PHF20: variants seen among roughly 807,000 people sequenced by gnomAD.
The protein encoded by PHF20 is PHD finger protein 20.
PHF20 carries 23 observed loss-of-function variants against 113.5 expected under a neutral mutation model. The ratio of observed to expected loss-of-function variants is 0.20; its 90% CI spans 0.15 to 0.29. PHF20 has a LOEUF of 0.29. PHF20 is among the 10% of genes least tolerant of loss of function. The probability of loss-of-function intolerance (pLI) is 1.00; values close to 1 mark genes in which losing one functional copy is unlikely to be tolerated. For synonymous variants in PHF20, 434 were observed against 457.3 expected (o/e 0.95, Z 0.65); for missense variants, 943 against 1,219.6 (o/e 0.77, Z 3.38).
intron 10 of PHF20, among the ~76,000 whole-genome samples, chr20:35,904,532 C>T (rs984989093): frequency 1.1e-4 from 17 of 151,986 alleles, no homozygotes; most frequent in Admixed American, 1.1e-3. Flanking sequence ...TGGTCCCGAA[C>T]TTGGGTTCTC....
chr20:35,904,440 A>G (rs2055161192), intron 10 of PHF20, among the ~76,000 whole-genome samples: 1 of 151,494 alleles, frequency 6.6e-6, no homozygotes, highest in African/African-American at 2.4e-5. Context: ...ATTCACCACC[A>G]CACCCAGCTA....
intron 2 of PHF20, among the ~76,000 whole-genome samples, chr20:35,813,926 C>T (rs1382179785): frequency 4.4e-5 from 5 of 112,674 alleles, no homozygotes; most frequent in East Asian, 5.0e-4. Context: ...AGTGAGACTC[C>T]GTCTCAGAAA....
intron 10 of PHF20, among the ~76,000 whole-genome samples, chr20:35,904,972 T>C (rs2055177378): frequency 6.6e-6 from 1 of 151,966 alleles, no homozygotes; most frequent in Admixed American, 6.6e-5. Flanking sequence ...ATTACAGGCG[T>C]GCACCACCAT....
chr20:35,845,868 C>T (rs1028980235), intron 3 of PHF20, among the ~76,000 whole-genome samples: 2 of 148,538 alleles, frequency 1.3e-5, no homozygotes, highest in East Asian at 2.0e-4. Flanking sequence ...ACCTGTCTTT[C>T]GGGTTCAAGT....
Position 35,913,362 on chromosome 20 carries a change from T to TAAGTGAAACCCTCAG in PHF20, c.1660+15_1660+16insAAGTGAAACCCTCAG. ...AACCAAACCTGGTAATTTTTTTTCCTGAGGGTTTCACTTAGGTTTCCTTAC... is the reference window on the plus strand; with the variant it reads ...AACCAAACCTGGTAATTTTTTTTCCTAAGTGAAACCCTCAGGAGGGTTTCACTTAGGTTTCCTTAC... On this transcript the variant is annotated intron_variant, in intron 11 of 17. Coordinates refer to ENST00000374012, the MANE Select transcript of PHF20 (RefSeq NM_016436.5). 6.4e-7 allele frequency: 1 copy of TAAGTGAAACCCTCAG among 1,557,934 alleles called. No homozygotes were observed. The highest frequency in any genetic ancestry group is 1.2e-5 in the South Asian group (1 of 86,728).
chr20:35,830,749 T>C (rs2042344636), intron 2 of PHF20, among the ~76,000 whole-genome samples: 1 of 152,116 alleles, frequency 6.6e-6, no homozygotes, highest in African/African-American at 2.4e-5. Context: ...TTTTTTAAGT[T>C]CTGGGGTACA....
intron 17 of PHF20, 131 bp downstream of exon 17, chr20:35,941,178 T>C: frequency 1.6e-6 from 1 of 642,446 alleles, no homozygotes; most frequent in Non-Finnish European, 2.7e-6. Flanking sequence ...TTTCAGCCTC[T>C]CCCCACCTCC....
intron 17 of PHF20, 40 bp downstream of exon 17, chr20:35,941,087 G>A: frequency 6.4e-7 from 1 of 1,555,640 alleles, no homozygotes. Flanking sequence ...TTGGCATGCA[G>A]TCGAGCACCC....
intron 1 of PHF20, among the ~76,000 whole-genome samples, chr20:35,780,032 G>T (rs962925682): frequency 6.6e-5 from 10 of 152,068 alleles, no homozygotes; most frequent in African/African-American, 2.4e-4. Context: ...AGGTCATTTG[G>T]CTAATAAGCA....
At chr20:35,844,813 A>G (rs1483110232) in intron 3 of PHF20, among the ~76,000 whole-genome samples, 1 of 152,186 alleles carries the variant, frequency 6.6e-6, no homozygotes, top group East Asian at 1.9e-4. Flanking sequence ...TAAATTAGCT[A>G]TACCCATTTT....
intron 9 of PHF20, among the ~76,000 whole-genome samples, chr20:35,897,582 T>TC (rs2055010315): frequency 1.5e-5 from 2 of 136,138 alleles, no homozygotes; most frequent in South Asian, 2.4e-4. Context: ...TTTTTTTTTT[T>TC]CTGAGACGGG....
At position 35,947,513 on chromosome 20, in the gene PHF20, G is replaced by A; in HGVS notation, c.2925G>A (p.Gly975=). 1 of 1,614,062 alleles carries A rather than the reference G, an allele frequency of 6.2e-7. No individual in the cohort carries two copies. The highest frequency in any genetic ancestry group is 8.5e-7 in the Non-Finnish European group (1 of 1,179,996). ...DVLESWLDYT[G]ELEPPEPLAR... ...TGGAGAGCTGGCTGGACTACACTGG[G>A]GAACTGGAGCCCCCTGAGCCGCTGG... The change falls in exon 18 of 18, where the codon GGG becomes GGA. Residue 975 remains glycine (G), a synonymous_variant. Coordinates refer to ENST00000374012, the MANE Select transcript of PHF20 (RefSeq NM_016436.5).
chr20:35,867,864 C>T (rs891094176), intron 6 of PHF20, among the ~76,000 whole-genome samples: 1 of 152,068 alleles, frequency 6.6e-6, no homozygotes, highest in Non-Finnish European at 1.5e-5. Flanking sequence ...TTCCTCTTCT[C>T]TCTCCTCCTT....
At chr20:35,846,857 A>G (rs2042634219) in intron 3 of PHF20, among the ~76,000 whole-genome samples, 1 of 152,186 alleles carries the variant, frequency 6.6e-6, no homozygotes, top group Non-Finnish European at 1.5e-5. Context: ...TGTTTAGCTC[A>G]CAATTCTGCA....
Position 35,899,425 on chromosome 20 carries a change from C to A in PHF20, c.1338C>A (p.Val446=), listed in dbSNP as rs1049701437. The stretch of plus-strand genomic sequence containing the variant: ...TTGGGTCATCTAATGCACCAGCTGT[C>A]GACCTAGACCATAAGTTTAGATGCA... ...DDFGSSNAPA[V]DLDHKFRCKV... Residue 446 remains valine (V), a synonymous_variant, in exon 10 of 18, where the codon GTC becomes GTA. Coordinates refer to ENST00000374012, the MANE Select transcript of PHF20 (RefSeq NM_016436.5). 1.2e-6 allele frequency: 2 copies of A among 1,613,596 alleles called. No homozygotes were observed. Among genetic ancestry groups the A allele is most frequent in the East Asian group, 2.2e-5 (1 of 44,894 alleles).
intron 4 of PHF20, among the ~76,000 whole-genome samples, chr20:35,857,916 C>T (rs965493781): frequency 5.9e-5 from 9 of 152,086 alleles, no homozygotes; most frequent in Non-Finnish European, 1.0e-4. Flanking sequence ...CCCCCGATCC[C>T]GGAACGTAAA....
At chr20:35,789,372 A>C (rs1434048929) in intron 1 of PHF20, among the ~76,000 whole-genome samples, 1 of 149,994 alleles carries the variant, frequency 6.7e-6, no homozygotes, top group Non-Finnish European at 1.5e-5. Flanking sequence ...CAGAGGTTGC[A>C]GTGAGCCAAG....
In PHF20 at chr20:35,850,296, G is replaced by GTTTTTT. The variant is rs554100863; in HGVS notation, c.340+2886_340+2891dup. Among the ~76,000 whole-genome samples the GTTTTTT allele has an allele frequency of 5.1e-4, 32 of 62,356 alleles. 6 individuals are homozygous for GTTTTTT. The highest frequency in any genetic ancestry group is 9.1e-4 in the African/African-American group (16 of 17,652). 40.9% of individuals were successfully genotyped at this position (62,356 alleles called of 152,430 possible). On this transcript the variant is annotated intron_variant, in intron 4 of 17. Transcript: ENST00000374012. ...CTGGGGCTGCTTAGCTTCCCCCTCC[G>GTTTTTT]TTTTTTTTTTTTTTTTTTTTTTTTT...
intron 4 of PHF20, among the ~76,000 whole-genome samples, chr20:35,852,856 C>T (rs941395957): frequency 1.3e-5 from 2 of 151,520 alleles, no homozygotes; most frequent in South Asian, 2.1e-4. Flanking sequence ...GTCGGTCTCC[C>T]AAAGTATTGG....
Sources: gnomAD v4.1 joint callset for allele counts (sites outside exome capture counted in the v4.1 genomes callset) on GRCh38, gnomAD v4.1.1 for gene constraint, MANE v1.5 for transcripts, NCBI Gene and HGNC (gene_info 2026-07-23, HGNC 2026-07-21) for gene names.